Variants in POU3F3 observed in about 807,000 individuals in gnomAD.
The protein encoded by POU3F3 is POU class 3 homeobox 3.
In POU3F3, 1 loss-of-function variant was observed where a neutral mutation model predicts 8.6. That is an observed-to-expected ratio of 0.12 (90% confidence interval 0.04 to 0.55). The LOEUF is 0.55. POU3F3 is among the 20% of genes least tolerant of loss of function. The pLI, the probability that POU3F3 is intolerant of heterozygous loss-of-function variation, is 0.91. For missense variants in POU3F3, 577 were observed against 690.7 expected (o/e 0.84, Z 1.84); for synonymous variants, 418 against 327.4 (o/e 1.28, Z -2.99).
the POU3F3 span, among the ~76,000 whole-genome samples, chr2:104,908,925 C>A: frequency 6.6e-6 from 1 of 152,080 alleles, no homozygotes; most frequent in African/African-American, 2.4e-5. Context: ...TAAAACAATT[C>A]TTTTTCTTTT....
At chr2:104,927,315 A>T in the POU3F3 span, among the ~76,000 whole-genome samples, 2 of 152,002 alleles carry the variant, frequency 1.3e-5, no homozygotes, top group African/African-American at 4.8e-5. Flanking sequence ...GAGGTCAGGA[A>T]TGCTTCCTTT....
the POU3F3 span, among the ~76,000 whole-genome samples, chr2:104,879,777 G>A: frequency 6.6e-6 from 1 of 152,160 alleles, no homozygotes; most frequent in African/African-American, 2.4e-5. Flanking sequence ...CCTACCAAGA[G>A]GTGCAGGGGG....
Position 104,855,351 on chromosome 2 carries a change from G to GCGGCGGGGC in POU3F3, c.-151_-143dup, listed in dbSNP as rs1352229056. ...GGCGGCGGAGGAGGAGGCGGCGAAG[G>GCGGCGGGGC]CGGCGGGGCCGGCGGGGGCCCGGGG... is the stretch of plus-strand genomic sequence containing the variant. On this transcript the variant is annotated 5_prime_UTR_variant, in exon 1 of 1. Transcript: ENST00000361360. Among the ~76,000 whole-genome samples the GCGGCGGGGC allele has an allele frequency of 7.1e-6, 1 of 141,158 alleles. No individual in the cohort carries two copies. Among genetic ancestry groups the GCGGCGGGGC allele is most frequent in the Non-Finnish European group, 1.6e-5 (1 of 63,844 alleles). The allele number at this position is 141,158 out of a possible 152,430, so 92.6% of individuals were successfully genotyped here. A position where few individuals can be genotyped will look rare whatever the true frequency, so the allele number is the denominator to read the frequency against.
At chr2:104,868,473 A>G in the POU3F3 span, 133 of 406,426 alleles carry the variant, frequency 3.3e-4, no homozygotes, top group African/African-American at 2.2e-3. Flanking sequence ...CTTGAACTCA[A>G]CTCAGGAGAA....
chr2:104,887,306 G>C, the POU3F3 span, among the ~76,000 whole-genome samples: 2 of 152,196 alleles, frequency 1.3e-5, no homozygotes, highest in Admixed American at 6.5e-5. Context: ...TCAACCACCT[G>C]GGAATGCAGC....
the POU3F3 span, among the ~76,000 whole-genome samples, chr2:104,927,746 C>CAAA: frequency 1.5e-4 from 12 of 79,458 alleles, no homozygotes; most frequent in Admixed American, 7.3e-4. Flanking sequence ...GACCTTGTCT[C>CAAA]AAAAAAAAAA....
At chr2:104,904,569 T>TTTACTATAAATGTTCC in the POU3F3 span, among the ~76,000 whole-genome samples, 1 of 152,034 alleles carries the variant, frequency 6.6e-6, no homozygotes, top group Non-Finnish European at 1.5e-5. Context: ...AATTTATTTG[T>TTTACTATAAATGTTCC]TTACTATAAA....
chr2:104,896,405 G>T, the POU3F3 span, among the ~76,000 whole-genome samples: 1 of 152,180 alleles, frequency 6.6e-6, no homozygotes, highest in African/African-American at 2.4e-5. Flanking sequence ...AGCCCTGCAG[G>T]ATCCTAAGCC....
At chr2:104,870,613 A>G in the POU3F3 span, among the ~76,000 whole-genome samples, 1 of 152,176 alleles carries the variant, frequency 6.6e-6, no homozygotes, top group African/African-American at 2.4e-5. Context: ...AGCAGAGATG[A>G]CCTACATCAA....
the POU3F3 span, among the ~76,000 whole-genome samples, chr2:104,908,373 A>G: frequency 6.6e-6 from 1 of 152,268 alleles, no homozygotes; most frequent in Non-Finnish European, 1.5e-5. Context: ...CCACAGGTTT[A>G]TAACATGGTA....
At chr2:104,897,644 A>C in the POU3F3 span, among the ~76,000 whole-genome samples, 1 of 152,316 alleles carries the variant, frequency 6.6e-6, no homozygotes, top group East Asian at 1.9e-4. Flanking sequence ...GCTCTCAGGC[A>C]AAGGAATCAT....
chr2:104,863,173 T>C (rs971422254), downstream of POU3F3, among the ~76,000 whole-genome samples: 5 of 143,248 alleles, frequency 3.5e-5, no homozygotes, highest in African/African-American at 5.3e-5. Context: ...ATTATTATTA[T>C]TATTATTATT....
chr2:104,866,796 C>T, the POU3F3 span: 1 of 152,322 alleles, frequency 6.6e-6, no homozygotes, highest in African/African-American at 2.4e-5. Flanking sequence ...CATACCTGCA[C>T]CATCTGTGTG....
the POU3F3 span, among the ~76,000 whole-genome samples, chr2:104,864,852 A>G: frequency 2.6e-5 from 4 of 152,208 alleles, no homozygotes; most frequent in African/African-American, 9.7e-5. Context: ...TCTTCAGAAA[A>G]GAAGTTTGTT....
At position 104,857,681 on chromosome 2, in the gene POU3F3, C is replaced by T. The variant is rs1263777168; in HGVS notation, c.*668C>T. On this transcript the variant is annotated 3_prime_UTR_variant, in exon 1 of 1. Transcript: ENST00000361360. ...GGGGACGACACCGTGCTCTGGGACC[C>T]TGTTTTTCTTGGCCATATTAAAGTC... is the stretch of plus-strand genomic sequence containing the variant. 7 of 153,662 alleles carry T rather than the reference C, an allele frequency of 4.6e-5. No homozygotes were observed. The highest frequency in any genetic ancestry group is 3.4e-3 in the Middle Eastern group (1 of 294). The allele number at this position is 153,662 out of a possible 1,614,324, so 9.5% of individuals were successfully genotyped here.
In POU3F3 at chr2:104,856,993, C is replaced by A. The variant is rs1219138901; in HGVS notation, c.1483C>A (p.Leu495Met). The A allele has an allele frequency of 6.2e-7, 1 of 1,606,074 alleles. No individual in the cohort carries two copies. Among genetic ancestry groups the A allele is most frequent in the Non-Finnish European group, 8.5e-7 (1 of 1,177,392 alleles). ...CGACACGCCGCCGCCTCACCACGGGCTGCAGACGAGCGTTCAGTGAAGCCA... is the reference window on the plus strand; with the variant it reads ...CGACACGCCGCCGCCTCACCACGGGATGCAGACGAGCGTTCAGTGAAGCCA... ...SADTPPPHHG[L>M]QTSVQ is the part of the protein sequence containing the mutation. The change falls in exon 1 of 1, where the codon CTG becomes ATG. Residue 495 changes from leucine to methionine, a missense_variant. By Grantham distance (15) the Leu-to-Met change is conservative (BLOSUM62 2). Transcript: ENST00000361360.
At chr2:104,902,163 C>A in the POU3F3 span, among the ~76,000 whole-genome samples, 2 of 152,140 alleles carry the variant, frequency 1.3e-5, no homozygotes, top group Non-Finnish European at 1.5e-5. Flanking sequence ...TTACCTGCAA[C>A]CTTCTCCTTG....
At chr2:104,894,213 A>C in the POU3F3 span, among the ~76,000 whole-genome samples, 1 of 152,246 alleles carries the variant, frequency 6.6e-6, no homozygotes, top group Non-Finnish European at 1.5e-5. Flanking sequence ...CCCGGTGCAC[A>C]GCACATGTTA....
At position 104,855,509 on chromosome 2, in the gene POU3F3, G is replaced by A. The variant is rs1676535873; in HGVS notation, c.-2G>A. ...GCGGTGGGGTGGCGGGAGCGGAGCGGCATGGCCACGGCGGCTTCTAACCCC... is the reference window on the plus strand; with the variant it reads ...GCGGTGGGGTGGCGGGAGCGGAGCGACATGGCCACGGCGGCTTCTAACCCC... On this transcript the variant is annotated 5_prime_UTR_variant, in exon 1 of 1. Coordinates refer to ENST00000361360, the MANE Select transcript of POU3F3 (RefSeq NM_006236.3). 3 of 1,008,130 alleles carry A rather than the reference G, an allele frequency of 3.0e-6. No homozygotes were observed. In the African/African-American group the frequency reaches 5.3e-5, roughly 18 times the overall value. 62.4% of individuals were successfully genotyped at this position (1,008,130 alleles called of 1,614,324 possible).
Sources: gnomAD v4.1 joint callset for allele counts (sites outside exome capture counted in the v4.1 genomes callset) on GRCh38, gnomAD v4.1.1 for gene constraint, MANE v1.5 for transcripts, NCBI Gene and HGNC (gene_info 2026-07-23, HGNC 2026-07-21) for gene names.